Variants in ME1 observed in about 807,000 individuals in gnomAD.
The protein encoded by ME1 is malic enzyme 1, also known as NADP-dependent malic enzyme.
In ME1, 74 loss-of-function variants were observed where a neutral mutation model predicts 66.4. The ratio of observed to expected loss-of-function variants is 1.11; its 90% confidence interval spans 0.92 to 1.35. ME1 has a LOEUF of 1.35. ME1 is among the 40% of genes most tolerant of loss of function. ME1 has a pLI of 0.00. For synonymous variants in ME1, 251 were observed against 235.6 expected (o/e 1.07, Z -0.60); for missense variants, 750 against 694.1 (o/e 1.08, Z -0.90).
At chr6:83,334,150 C>T (rs1017586040) in intron 5 of ME1, among the ~76,000 whole-genome samples, 6 of 151,970 alleles carry the variant, frequency 3.9e-5, no homozygotes, top group African/African-American at 1.5e-4. Context: ...ATTGCCTCAC[C>T]TGGGAAGCGC....
At chr6:83,280,503 C>T (rs1373985931) in intron 6 of ME1, among the ~76,000 whole-genome samples, 1 of 152,180 alleles carries the variant, frequency 6.6e-6, no homozygotes, top group African/African-American at 2.4e-5. Context: ...TAGGCTAAAA[C>T]TGGAGAGAAA....
At chr6:83,235,813 C>T (rs1232776126) in intron 9 of ME1, among the ~76,000 whole-genome samples, 1 of 152,058 alleles carries the variant, frequency 6.6e-6, no homozygotes, top group Admixed American at 6.6e-5. Flanking sequence ...TACTGAAAGC[C>T]TCTGTCTTTA....
intron 12 of ME1, among the ~76,000 whole-genome samples, chr6:83,220,889 G>A (rs996038437): frequency 3.3e-5 from 5 of 152,134 alleles, no homozygotes; most frequent in African/African-American, 7.2e-5. Flanking sequence ...GGCCAGGCGC[G>A]GTGGCTCATG....
chr6:83,350,971 CAAAAAAAAAAAAAAAA>C (rs34259968), intron 4 of ME1, among the ~76,000 whole-genome samples: 41 of 55,798 alleles, frequency 7.3e-4, no homozygotes, highest in African/African-American at 2.5e-3. Context: ...GTGGAGAAAG[CAAAAAAAAAAAAAAAA>C]AAAAAAAAAA....
chr6:83,360,764 A>G (rs935454255), intron 3 of ME1, among the ~76,000 whole-genome samples: 1 of 152,234 alleles, frequency 6.6e-6, no homozygotes, highest in African/African-American at 2.4e-5. Context: ...TGTGCAGAAG[A>G]CAGACAGATC....
intron 6 of ME1, among the ~76,000 whole-genome samples, chr6:83,292,600 G>A (rs966333916): frequency 6.6e-6 from 1 of 152,236 alleles, no homozygotes. Flanking sequence ...TGAGGAGGCA[G>A]TGCTTCTGTT....
At chr6:83,309,661 G>C (rs562297239) in intron 6 of ME1, among the ~76,000 whole-genome samples, 6 of 152,124 alleles carry the variant, frequency 3.9e-5, no homozygotes, top group Non-Finnish European at 8.8e-5. Flanking sequence ...GTACAGGTTA[G>C]AGATAAAGAT....
intron 5 of ME1, among the ~76,000 whole-genome samples, chr6:83,332,719 T>C (rs1348420893): frequency 6.6e-6 from 1 of 151,898 alleles, no homozygotes; most frequent in African/African-American, 2.4e-5. Flanking sequence ...TACATAGGAG[T>C]ATACAAAGCA....
At chr6:83,311,164 A>C (rs950425756) in intron 6 of ME1, among the ~76,000 whole-genome samples, 1 of 152,174 alleles carries the variant, frequency 6.6e-6, no homozygotes, top group Non-Finnish European at 1.5e-5. Context: ...CCAATAACTA[A>C]GGTTTTATCA....
chr6:83,228,895 C>T lies in ME1; in HGVS notation c.1063G>A (p.Ala355Thr), dbSNP rs1163201533. The T allele has an allele frequency of 6.2e-7, 1 of 1,612,930 alleles. No homozygotes were observed. The highest frequency in any genetic ancestry group is 8.5e-7 in the Non-Finnish European group (1 of 1,179,736). The change falls in exon 10 of 14, where the codon GCC becomes ACC. Residue 355 changes from alanine (A) to threonine (T), a missense_variant. By Grantham distance (58) the Ala-to-Thr change is moderately conservative. Transcript: ENST00000369705. ...ASLTQEKEKFAHEHEEMKNLE... is the reference protein window; with the variant it reads ...ASLTQEKEKFTHEHEEMKNLE... ...TTCTTCATTTCTTCATGTTCATGGG[C>T]AAACTTCTCTTTCTCTTGTGTTAAG...
At chr6:83,430,737 C>G in intron 1 of ME1, 140 bp downstream of exon 1, 1 of 659,760 alleles carries the variant, frequency 1.5e-6, no homozygotes, top group South Asian at 2.0e-5. Context: ...CACACCAAGG[C>G]CCCCCAGGCC....
chr6:83,386,748 T>G (rs1769510443), intron 3 of ME1, among the ~76,000 whole-genome samples: 2 of 151,894 alleles, frequency 1.3e-5, no homozygotes, highest in Admixed American at 1.3e-4. Flanking sequence ...TATGATGGTA[T>G]TAGGAGATGG....
chr6:83,390,870 C>A lies in ME1; in HGVS notation c.362+7497G>T, dbSNP rs187260936. On this transcript the variant is annotated intron_variant, in intron 3 of 13. Coordinates refer to ENST00000369705, the MANE Select transcript of ME1 (RefSeq NM_002395.6). ...CCCCTCCCCAGCCACCCATCTCTCT[C>A]TATATATATACATATATACATACAT... Among the ~76,000 whole-genome samples, 585 of 140,938 alleles carry A rather than the reference C, an allele frequency of 4.2e-3. 1 individual carries two copies. The highest frequency in any genetic ancestry group is 0.014 in the African/African-American group (547 of 40,482). 92.5% of individuals were successfully genotyped at this position (140,938 alleles called of 152,430 possible).
At chr6:83,362,073 A>G in intron 3 of ME1, among the ~76,000 whole-genome samples, 1 of 152,242 alleles carries the variant, frequency 6.6e-6, no homozygotes, top group East Asian at 1.9e-4. Flanking sequence ...CAGCTACAGC[A>G]CTACAGCCCC....
At chr6:83,298,310 T>C (rs2128536126) in intron 6 of ME1, among the ~76,000 whole-genome samples, 1 of 152,296 alleles carries the variant, frequency 6.6e-6, no homozygotes, top group East Asian at 1.9e-4. Flanking sequence ...TCTCTAACAA[T>C]CAGTGATGTT....
intron 6 of ME1, among the ~76,000 whole-genome samples, chr6:83,256,209 A>G (rs1307823029): frequency 2.0e-5 from 3 of 152,172 alleles, no homozygotes; most frequent in Non-Finnish European, 2.9e-5. Flanking sequence ...TAAGGCTGTT[A>G]GCAGGATTAA....
intron 5 of ME1, among the ~76,000 whole-genome samples, chr6:83,333,163 T>C (rs1768448169): frequency 6.6e-6 from 1 of 152,170 alleles, no homozygotes; most frequent in Admixed American, 6.5e-5. Context: ...TTAAAGGGGA[T>C]TTACTTTTAT....
chr6:83,411,245 T>G (rs1037415971), intron 1 of ME1, among the ~76,000 whole-genome samples: 6 of 152,124 alleles, frequency 3.9e-5, no homozygotes, highest in African/African-American at 1.4e-4. Flanking sequence ...GTACCTGTAC[T>G]CCCAGCTACT....
chr6:83,254,090 G>A (rs2128528306), intron 6 of ME1, among the ~76,000 whole-genome samples: 1 of 152,246 alleles, frequency 6.6e-6, no homozygotes, highest in African/African-American at 2.4e-5. Context: ...TATCACTTCT[G>A]GCTGTGATCA....
Sources: gnomAD v4.1 joint callset for allele counts (sites outside exome capture counted in the v4.1 genomes callset) on GRCh38, gnomAD v4.1.1 for gene constraint, MANE v1.5 for transcripts, NCBI Gene and HGNC (gene_info 2026-07-23, HGNC 2026-07-21) for gene names.